Variants in FSTL5 observed in about 807,000 individuals in gnomAD.
FSTL5 encodes follistatin-related protein 5.
A neutral mutation model predicts 89.1 loss-of-function variants in FSTL5; 62 were observed. That is an observed-to-expected ratio of 0.70 (90% CI 0.57 to 0.86). The LOEUF is 0.86. Ranked by LOEUF, FSTL5 falls within the 40% of genes least tolerant of loss-of-function variation. FSTL5 has a pLI of 0.00. For missense variants in FSTL5, 1,057 were observed against 1,001.6 expected (o/e 1.06, Z -0.75); for synonymous variants, 383 against 346.2 (o/e 1.11, Z -1.18).
chr4:161,523,311 TACCA>T (rs1351957084), intron 10 of FSTL5, among the ~76,000 whole-genome samples: 3 of 152,156 alleles, frequency 2.0e-5, no homozygotes, highest in African/African-American at 7.2e-5. Context: ...GCCAAACCTG[TACCA>T]GTCTTATGTA....
intron 8 of FSTL5, among the ~76,000 whole-genome samples, chr4:161,579,743 A>G (rs936194615): frequency 1.8e-4 from 17 of 97,076 alleles, no homozygotes; most frequent in Middle Eastern, 6.3e-3. Flanking sequence ...AAAAAAAAAA[A>G]AGAAAGAAAA....
At chr4:161,774,566 T>C (rs1741330305) in intron 5 of FSTL5, among the ~76,000 whole-genome samples, 1 of 152,140 alleles carries the variant, frequency 6.6e-6, no homozygotes, top group Non-Finnish European at 1.5e-5. Context: ...CTTGATCTGA[T>C]GTCTTTTTTA....
chr4:162,123,137 C>T (rs896302179), intron 1 of FSTL5, among the ~76,000 whole-genome samples: 1 of 152,084 alleles, frequency 6.6e-6, no homozygotes, highest in African/African-American at 2.4e-5. Flanking sequence ...ACCAAGGTCT[C>T]CAGCAGCCTG....
At chr4:161,620,648 C>T (rs1032690949) in intron 7 of FSTL5, among the ~76,000 whole-genome samples, 46 of 152,044 alleles carry the variant, frequency 3.0e-4, no homozygotes, top group African/African-American at 1.0e-3. Flanking sequence ...AAGAATGAAA[C>T]TCCATCTCAA....
At chr4:161,791,684 C>T (rs1729482336) in intron 4 of FSTL5, among the ~76,000 whole-genome samples, 1 of 152,064 alleles carries the variant, frequency 6.6e-6, no homozygotes, top group Non-Finnish European at 1.5e-5. Flanking sequence ...TAACATTATT[C>T]CTGGGTTATT....
chr4:161,735,768 C>A (rs994699071), intron 6 of FSTL5, among the ~76,000 whole-genome samples: 1 of 151,902 alleles, frequency 6.6e-6, no homozygotes, highest in African/African-American at 2.4e-5. Flanking sequence ...TTTGTGCTTA[C>A]CTTTAACCAA....
chr4:161,759,350 T>C (rs945011015), intron 6 of FSTL5, 61 bp downstream of exon 6: 68 of 1,489,164 alleles, frequency 4.6e-5, no homozygotes, highest in Non-Finnish European at 5.8e-5. Context: ...AAATAGACCA[T>C]ATTGTGTAAA....
rs1470956611 is a variant in FSTL5 at position 161,873,522 on chromosome 4, A to T, written c.409+46882T>A. On this transcript the variant is annotated intron_variant, in intron 4 of 15. Transcript: ENST00000306100. Reference sequence around the variant, plus strand: ...CTTCCTTCTTTCCTTCCTTCCTCCCACCCTCCCTCCATCCCACACTCCTTC... The same window carrying T: ...CTTCCTTCTTTCCTTCCTTCCTCCCTCCCTCCCTCCATCCCACACTCCTTC... 8.3e-4 allele frequency among the ~76,000 whole-genome samples: 110 copies of T among 132,586 alleles called. 1 individual carries two copies. Among genetic ancestry groups the T allele is most frequent in the South Asian group, 2.5e-4 (1 of 3,964 alleles). 87.0% of individuals were successfully genotyped at this position (132,586 alleles called of 152,430 possible).
intron 3 of FSTL5, among the ~76,000 whole-genome samples, chr4:161,992,880 A>G (rs377161309): frequency 1.8e-3 from 23 of 12,884 alleles, no homozygotes; most frequent in African/African-American, 4.2e-3. Flanking sequence ...ATATATATAT[A>G]TATATATATA....
chr4:161,631,787 G>C (rs1735514201), intron 7 of FSTL5, among the ~76,000 whole-genome samples: 1 of 151,948 alleles, frequency 6.6e-6, no homozygotes, highest in Non-Finnish European at 1.5e-5. Flanking sequence ...CAAATGAAAA[G>C]GTTTAAATTA....
intron 12 of FSTL5, among the ~76,000 whole-genome samples, chr4:161,482,291 G>A (rs1729537419): frequency 6.6e-6 from 1 of 151,964 alleles, no homozygotes; most frequent in South Asian, 2.1e-4. Flanking sequence ...ACTCCAGCCT[G>A]GGTGACAGAG....
At chr4:162,085,535 G>A (rs1411578825) in intron 2 of FSTL5, among the ~76,000 whole-genome samples, 6 of 151,984 alleles carry the variant, frequency 3.9e-5, no homozygotes, top group South Asian at 2.1e-4. Flanking sequence ...ACATGTTTGC[G>A]TGTTTATATA....
At chr4:161,445,090 A>G (rs2126377155) in intron 15 of FSTL5, among the ~76,000 whole-genome samples, 1 of 152,124 alleles carries the variant, frequency 6.6e-6, no homozygotes, top group African/African-American at 2.4e-5. Context: ...TGGAAGTGGT[A>G]TGGTAAACTT....
intron 6 of FSTL5, among the ~76,000 whole-genome samples, chr4:161,662,729 A>G (rs1736760252): frequency 6.6e-6 from 1 of 152,202 alleles, no homozygotes; most frequent in African/African-American, 2.4e-5. Context: ...AATGTAAAAG[A>G]CACCAATCAA....
chr4:161,464,168 T>C (rs1474252701), intron 13 of FSTL5, among the ~76,000 whole-genome samples: 5 of 152,202 alleles, frequency 3.3e-5, no homozygotes, highest in Non-Finnish European at 7.4e-5. Context: ...GTCATTATAA[T>C]GACCACCTGG....
intron 2 of FSTL5, among the ~76,000 whole-genome samples, chr4:162,052,128 T>G (rs773135763): frequency 2.0e-5 from 3 of 151,610 alleles, no homozygotes; most frequent in Non-Finnish European, 4.4e-5. Context: ...AACAGAGACT[T>G]GATGTAAAGA....
chr4:161,774,364 C>A (rs570332192), intron 5 of FSTL5, among the ~76,000 whole-genome samples: 2 of 152,114 alleles, frequency 1.3e-5, no homozygotes, highest in African/African-American at 4.8e-5. Context: ...TCTGAACTTC[C>A]AACTTCCAGG....
intron 4 of FSTL5, among the ~76,000 whole-genome samples, chr4:161,780,825 A>T (rs921845667): frequency 2.0e-5 from 3 of 152,190 alleles, no homozygotes; most frequent in African/African-American, 4.8e-5. Context: ...ATGCTTAGTA[A>T]AATATGTTTT....
intron 13 of FSTL5, among the ~76,000 whole-genome samples, chr4:161,461,383 A>T (rs1324301654): frequency 1.4e-5 from 2 of 142,744 alleles, no homozygotes; most frequent in Non-Finnish European, 3.0e-5. Flanking sequence ...AATGGCATGA[A>T]CCTGGGAGGC....
Sources: gnomAD v4.1 joint callset for allele counts (sites outside exome capture counted in the v4.1 genomes callset) on GRCh38, gnomAD v4.1.1 for gene constraint, MANE v1.5 for transcripts, NCBI Gene and HGNC (gene_info 2026-07-23, HGNC 2026-07-21) for gene names.